Variants in UBE2D3 observed in about 807,000 individuals in gnomAD.
UBE2D3 encodes the protein ubiquitin-conjugating enzyme E2 D3.
In UBE2D3, 2 loss-of-function variants were observed where a neutral mutation model predicts 22.8. The observed-to-expected ratio is 0.09, with a 90% CI of 0.04 to 0.28. The LOEUF (loss-of-function observed/expected upper bound fraction) is 0.28. Ranked by LOEUF, UBE2D3 falls within the 10% of genes least tolerant of loss-of-function variation. The probability of loss-of-function intolerance (pLI) is 1.00; values close to 1 mark genes in which losing one functional copy is unlikely to be tolerated. For missense variants in UBE2D3, 27 were observed against 182.5 expected, an observed-to-expected ratio of 0.15 and a Z score of 4.91; for synonymous variants, 56 against 60.4, an observed-to-expected ratio of 0.93 and a Z score of 0.34.
At chr4:102,837,346 A>G (rs1243729870) in intron 1 of UBE2D3, among the ~76,000 whole-genome samples, 1 of 152,232 alleles carries the variant, frequency 6.6e-6, no homozygotes, top group Non-Finnish European at 1.5e-5. Context: ...TAAATACTCA[A>G]AACTCACTTC....
At chr4:102,809,919 C>G (rs896416069) in intron 2 of UBE2D3, 64 bp from the exon 3 acceptor site, 791 of 1,488,066 alleles carry the variant, frequency 5.3e-4, no homozygotes, top group Non-Finnish European at 7.0e-4. Flanking sequence ...GCAAATGAGT[C>G]CACTGCTTTC....
intron 2 of UBE2D3, among the ~76,000 whole-genome samples, chr4:102,818,453 G>C (rs1043985445): frequency 1.3e-5 from 2 of 152,156 alleles, no homozygotes; most frequent in Non-Finnish European, 2.9e-5. Flanking sequence ...AGAAGTCAAG[G>C]AGACCCCTCT....
At chr4:102,829,086 A>G (rs1226511504), upstream of UBE2D3, among the ~76,000 whole-genome samples, 1 of 152,236 alleles carries the variant, frequency 6.6e-6, no homozygotes. Context: ...TCAAGTGACC[A>G]TGTAGTGTCA....
chr4:102,853,135 A>ACCTTTTTTTT (rs752835398), intron 1 of UBE2D3, among the ~76,000 whole-genome samples: 1 of 88,598 alleles, frequency 1.1e-5, no homozygotes, highest in Non-Finnish European at 2.1e-5. Flanking sequence ...AAACACACAC[A>ACCTTTTTTTT]TTTTTTTTTT....
chr4:102,859,538 G>A (rs755509478), intron 1 of UBE2D3, among the ~76,000 whole-genome samples: 27 of 151,878 alleles, frequency 1.8e-4, no homozygotes, highest in Non-Finnish European at 3.7e-4. Context: ...GGAATTCTTT[G>A]GGAATTGTGG....
chr4:102,827,803 G>A (rs1730829307), upstream of UBE2D3: 2 of 986,358 alleles, frequency 2.0e-6, no homozygotes, highest in Non-Finnish European at 2.4e-6. Flanking sequence ...GAGCTGGGGG[G>A]AGGGTGAACG....
In UBE2D3 at chr4:102,795,118, A is replaced by G. The variant is rs1290293822; in HGVS notation, c.*2297T>C. 6.6e-6 allele frequency: 1 copy of G among 152,100 alleles called. No individual in the cohort carries two copies. The highest frequency in any genetic ancestry group is 1.9e-4 in the East Asian group (1 of 5,202). The allele number at this position is 152,100 out of a possible 1,614,324, so 9.4% of individuals were successfully genotyped here. ...TTCTTTTAAACCTGGAGAAGCCTCT[A>G]TGGCTTATTCCCTTAGAAGCAACAA... On this transcript the variant is annotated 3_prime_UTR_variant, in exon 8 of 8. Transcript: ENST00000453744.
intron 1 of UBE2D3, among the ~76,000 whole-genome samples, chr4:102,839,150 A>G (rs1404490697): frequency 6.6e-6 from 1 of 152,240 alleles, no homozygotes; most frequent in Non-Finnish European, 1.5e-5. Context: ...TTTTAAAACT[A>G]GGAGAAACTG....
intron 2 of UBE2D3, chr4:102,811,746 A>G (rs1420166997): frequency 2.3e-6 from 1 of 441,946 alleles, no homozygotes; most frequent in Admixed American, 2.6e-5. Flanking sequence ...AAGCAAAAGA[A>G]AGGATGCCTA....
intron 7 of UBE2D3, among the ~76,000 whole-genome samples, chr4:102,797,994 G>A (rs1725467464): frequency 6.6e-6 from 1 of 151,718 alleles, no homozygotes; most frequent in South Asian, 2.1e-4. Flanking sequence ...GAATGACAAA[G>A]GGCAGTAATT....
intron 1 of UBE2D3, among the ~76,000 whole-genome samples, chr4:102,868,235 A>G (rs1001158376): frequency 6.6e-6 from 1 of 151,664 alleles, no homozygotes; most frequent in Non-Finnish European, 1.5e-5. Context: ...GCGCCCGGCT[A>G]ATTTTTCTAT....
chr4:102,840,115 T>C (rs1018076088), intron 1 of UBE2D3, among the ~76,000 whole-genome samples: 1 of 152,158 alleles, frequency 6.6e-6, no homozygotes, highest in African/African-American at 2.4e-5. Context: ...AAATAACAGA[T>C]GCTGGTAAGG....
In UBE2D3 at chr4:102,809,841, C is replaced by T. The variant is rs1280905782; in HGVS notation, c.39G>A (p.Leu13=). Residue 13 remains leucine (L), a synonymous_variant, in exon 3 of 8, where the codon TTG becomes TTA. Coordinates refer to ENST00000453744, the MANE Select transcript of UBE2D3 (RefSeq NM_181891.3). ...LKRINKELSD[L]ARDPPAQCSA... is the part of the protein sequence containing the mutation. ...AACATTGTGCTGGAGGGTCACGGGC[C>T]AAATCACTAAGTTCCTACACCAAGA... The T allele has an allele frequency of 6.2e-7, 1 of 1,613,578 alleles. No individual in the cohort carries two copies. Among genetic ancestry groups the T allele is most frequent in the East Asian group, 2.2e-5 (1 of 44,858 alleles).
intron 1 of UBE2D3, among the ~76,000 whole-genome samples, chr4:102,853,261 G>C (rs1042657095): frequency 6.8e-6 from 1 of 147,876 alleles, no homozygotes; most frequent in African/African-American, 2.5e-5. Context: ...TCCTGCCTCA[G>C]CCTCCCGAGT....
Position 102,794,900 on chromosome 4 carries a change from G to A in UBE2D3, c.*2515C>T, listed in dbSNP as rs1474941674. 1.3e-5 allele frequency: 2 copies of A among 152,034 alleles called. No individual in the cohort carries two copies. Among genetic ancestry groups the A allele is most frequent in the African/African-American group, 2.4e-5 (1 of 41,442 alleles). The allele number at this position is 152,034 out of a possible 1,614,324, so 9.4% of individuals were successfully genotyped here. On this transcript the variant is annotated 3_prime_UTR_variant, in exon 8 of 8. Coordinates refer to ENST00000453744, the MANE Select transcript of UBE2D3 (RefSeq NM_181891.3). Reference sequence around the variant, plus strand: ...TTCGGTTTATGCATTAAAAGATTTAGGAAATACAAAGACATAGTCAAAACT... The same window carrying A: ...TTCGGTTTATGCATTAAAAGATTTAAGAAATACAAAGACATAGTCAAAACT...
chr4:102,834,749 GAA>G (rs879634648), intron 1 of UBE2D3, among the ~76,000 whole-genome samples: 5 of 141,488 alleles, frequency 3.5e-5, no homozygotes, highest in South Asian at 2.3e-4. Flanking sequence ...ACCCTGTCTG[GAA>G]AAAAAAAAAA....
intron 1 of UBE2D3, among the ~76,000 whole-genome samples, chr4:102,865,826 A>C (rs1298464998): frequency 6.6e-6 from 1 of 152,232 alleles, no homozygotes; most frequent in East Asian, 1.9e-4. Context: ...GGACAGGCAG[A>C]AGATGAGTGA....
chr4:102,810,756 T>C (rs1382108322), intron 2 of UBE2D3: 2 of 152,126 alleles, frequency 1.3e-5, no homozygotes, highest in Non-Finnish European at 2.9e-5. Flanking sequence ...TGCATAACAA[T>C]ATGAATTATC....
chr4:102,827,152 C>T (rs1730678487), intron 1 of UBE2D3: 1 of 986,884 alleles, frequency 1.0e-6, no homozygotes, highest in African/African-American at 1.7e-5. Context: ...CGTACACTCA[C>T]TCCGCCTTCC....
Sources: allele counts gnomAD v4.1 joint callset (sites outside exome capture counted in the v4.1 genomes callset), GRCh38; gene constraint gnomAD v4.1.1; transcripts MANE v1.5; gene names NCBI Gene and HGNC (gene_info 2026-07-23, HGNC 2026-07-21).